Variants in ZNF687 observed in about 807,000 individuals in gnomAD.
ZNF687 encodes zinc finger protein 687.
In ZNF687, 13 loss-of-function variants were observed where a neutral mutation model predicts 71.8. The observed-to-expected ratio is 0.18, with a 90% CI of 0.12 to 0.29. ZNF687 has a LOEUF of 0.29. Ranked by LOEUF, ZNF687 falls within the 10% of genes least tolerant of loss-of-function variation. The probability of loss-of-function intolerance (pLI) is 1.00; values close to 1 mark genes in which losing one functional copy is unlikely to be tolerated. For synonymous variants in ZNF687, 673 were observed against 641.6 expected, an observed-to-expected ratio of 1.05 and a Z score of -0.74; for missense variants, 1,412 against 1,625.6, an observed-to-expected ratio of 0.87 and a Z score of 2.26.
chr1:151,281,594 C>T (rs979600835), upstream of ZNF687: 4 of 471,150 alleles, frequency 8.5e-6, no homozygotes, highest in Non-Finnish European at 1.8e-5. Context: ...CGTCCACGCC[C>T]TCCCGCAGAG....
rs964921879 is a variant in ZNF687 at position 151,290,295 on chromosome 1, G to GT, written c.3077+62dup. On this transcript the variant is annotated intron_variant, in intron 7 of 8. Transcript: ENST00000336715. ...CACGTGACTCTCCCTGTATGCCAAA[G>GT]TACCTGTGCACCTGCGACGTGTCTA... 1.9e-6 allele frequency: 3 copies of GT among 1,608,914 alleles called. No individual in the cohort carries two copies. In the African/African-American group the frequency reaches 4.0e-5, roughly 22 times the overall value.
At position 151,286,676 on chromosome 1, in the gene ZNF687, A is replaced by T. The variant is rs1210336758; in HGVS notation, c.385A>T (p.Ser129Cys). Residue 129 changes from serine (S) to cysteine (C), a missense_variant, in exon 2 of 9, where the codon AGC becomes TGC. Ser to Cys is a moderately radical substitution (Grantham distance 112). Coordinates refer to ENST00000336715, the MANE Select transcript of ZNF687 (RefSeq NM_020832.3). ...TCATCGAATGCAGAATGGTTTTGGG[A>T]GCCCTGAACCTTCCCTCCCAGGAAC... ...GPHRMQNGFG[S>C]PEPSLPGTPH... 6.2e-7 allele frequency: 1 copy of T among 1,614,134 alleles called. No individual in the cohort carries two copies. The highest frequency in any genetic ancestry group is 8.5e-7 in the Non-Finnish European group (1 of 1,179,996).
intron 1 of ZNF687, chr1:151,282,996 C>T (rs1476141234): frequency 8.1e-6 from 4 of 496,422 alleles, no homozygotes; most frequent in Non-Finnish European, 1.0e-5. Context: ...CTCTCCTCCC[C>T]TCTTTCCAGC....
rs936240349 is a variant in ZNF687 at position 151,291,835 on chromosome 1, T to C, written c.*626T>C. 1 of 152,480 alleles carries C rather than the reference T, an allele frequency of 6.6e-6. No individual in the cohort carries two copies. The highest frequency in any genetic ancestry group is 1.5e-5 in the Non-Finnish European group (1 of 68,074). The allele number at this position is 152,480 out of a possible 1,614,324, so 9.4% of individuals were successfully genotyped here. The stretch of plus-strand genomic sequence containing the variant: ...GAATCCTTTATTCTTGTAGTAATAA[T>C]AATACTAACAAACAGTTGGGGAACT... On this transcript the variant is annotated 3_prime_UTR_variant, in exon 9 of 9. Transcript: ENST00000336715.
In ZNF687 at chr1:151,287,014, C is replaced by T; in HGVS notation, c.723C>T (p.Ser241=). The change falls in exon 2 of 9, where the codon TCC becomes TCT. Residue 241 remains serine, a synonymous_variant. Transcript: ENST00000336715. This position sits in a 1 kb window ranked among gnomAD's most constrained non-coding sequence, Gnocchi z 5.0. The stretch of plus-strand genomic sequence containing the variant: ...TCCTAGCCCAACAAGGCTCAGGCTC[C>T]AGCCCTAAGGCCACGGACATCCCTG... ...PQVLAQQGSG[S]SPKATDIPAS... 2 of 1,604,344 alleles carry T rather than the reference C, an allele frequency of 1.2e-6. No homozygotes were observed. The highest frequency in any genetic ancestry group is 2.2e-5 in the East Asian group (1 of 44,688).
rs1219280920 is a variant in ZNF687 at position 151,282,377 on chromosome 1, C to G, written c.-36C>G. On this transcript the variant is annotated 5_prime_UTR_variant, in exon 1 of 9. Coordinates refer to ENST00000336715, the MANE Select transcript of ZNF687 (RefSeq NM_020832.3). ...GGGTAGAGACCGCCGGGTCTCGGCC[C>G]GCACCAGGAGCGGAACAAGTAAGCG... 2.0e-6 allele frequency: 2 copies of G among 990,062 alleles called. No individual in the cohort carries two copies. Among genetic ancestry groups the G allele is most frequent in the Non-Finnish European group, 1.2e-6 (1 of 831,724 alleles). The allele number at this position is 990,062 out of a possible 1,614,324, so 61.3% of individuals were successfully genotyped here.
chr1:151,288,855 C>T, intron 3 of ZNF687, 149 bp downstream of exon 3: 1 of 1,108,162 alleles, frequency 9.0e-7, no homozygotes, highest in Non-Finnish European at 1.3e-6. Context: ...TACGTCCTGC[C>T]TTCCCGTCGT....
At position 151,289,936 on chromosome 1, in the gene ZNF687, T is replaced by C; in HGVS notation, c.2893T>C (p.Cys965Arg). The C allele has an allele frequency of 6.4e-7, 1 of 1,562,520 alleles. No individual in the cohort carries two copies. The change falls in exon 6 of 9, where the codon TGT (cysteine) becomes CGT (arginine). Residue 965 changes from cysteine to arginine, a missense_variant. Physicochemically the swap from Cys to Arg is radical, Grantham distance 180 (BLOSUM62 -3). Around this residue, in one of 8 missense-constraint regions of ZNF687, gnomAD observed 135 missense variants for 104.1 expected, o/e 1.30. Coordinates refer to ENST00000336715, the MANE Select transcript of ZNF687 (RefSeq NM_020832.3). ...GGGGGPGGWTCGLCHSWFPER... is the reference protein window; with the variant it reads ...GGGGGPGGWTRGLCHSWFPER... The stretch of plus-strand genomic sequence containing the variant: ...GGGTGGGGGGCCTGGAGGCTGGACC[T>C]GTGGCCTGTGTCACTCCTGGTTCCC...
Position 151,287,736 on chromosome 1 carries a change from C to T in ZNF687, c.1445C>T (p.Pro482Leu). 1 of 1,613,922 alleles carries T rather than the reference C, an allele frequency of 6.2e-7. No homozygotes were observed. The highest frequency in any genetic ancestry group is 8.5e-7 in the Non-Finnish European group (1 of 1,179,934). Residue 482 changes from proline (P) to leucine (L), a missense_variant, in exon 2 of 9, where the codon CCA (proline) becomes CTA (leucine). Pro to Leu is a moderately conservative substitution (Grantham distance 98, BLOSUM62 -3). Coordinates refer to ENST00000336715, the MANE Select transcript of ZNF687 (RefSeq NM_020832.3). The surrounding 1 kb of genome is among the most constrained non-coding windows in gnomAD (Gnocchi z 5.0). The stretch of plus-strand genomic sequence containing the variant: ...CAACCTTCAAAGACAGCTACTGGGC[C>T]AAGTACAGGGGGCGGCACAGTGATA... ...MVQPSKTATGPSTGGGTVISR... is the reference protein window; with the variant it reads ...MVQPSKTATGLSTGGGTVISR...
rs924354107 is a variant in ZNF687, at chr1:151,291,912, C to T, written c.*703C>T. ...GTTTGTGGTCGAATCTCCATTCAGG[C>T]CTCTCTTTTTCTGTGACTTGGACAA... On this transcript the variant is annotated 3_prime_UTR_variant, in exon 9 of 9. Transcript: ENST00000336715. 6.6e-6 allele frequency: 1 copy of T among 152,294 alleles called. No homozygotes were observed. Among genetic ancestry groups the T allele is most frequent in the African/African-American group, 2.4e-5 (1 of 41,396 alleles). 9.4% of individuals were successfully genotyped at this position (152,294 alleles called of 1,614,324 possible).
Position 151,292,150 on chromosome 1 carries a change from T to A in ZNF687, c.*941T>A, listed in dbSNP as rs1273706111. ...CACAAGTGGCTAACTAAGGACTTTA[T>A]TTCAAACAAAAATTAAAAATAAAAA... is the stretch of plus-strand genomic sequence containing the variant. On this transcript the variant is annotated 3_prime_UTR_variant, in exon 9 of 9. Transcript: ENST00000336715. 1.3e-5 allele frequency: 2 copies of A among 152,346 alleles called. No individual in the cohort carries two copies. Among genetic ancestry groups the A allele is most frequent in the Non-Finnish European group, 2.9e-5 (2 of 68,154 alleles). The allele number at this position is 152,346 out of a possible 1,614,324, so 9.4% of individuals were successfully genotyped here.
At chr1:151,283,174 T>A (rs1693797729) in intron 1 of ZNF687, 1 of 985,172 alleles carries the variant, frequency 1.0e-6, no homozygotes, top group Non-Finnish European at 1.2e-6. Flanking sequence ...CCCCGCCCCC[T>A]CCTCGAAACC....
chr1:151,289,152 G>A lies in ZNF687; in HGVS notation c.2352G>A (p.Gln784=), dbSNP rs1343691845. The change falls in exon 4 of 9, where the codon CAG becomes CAA. Residue 784 remains glutamine (Q), a synonymous_variant. Coordinates refer to ENST00000336715, the MANE Select transcript of ZNF687 (RefSeq NM_020832.3). ...GGVNSIKSHI[Q]TSHCEVFHKC... ...TGAACTCCATCAAGTCCCACATCCA[G>A]ACGTCGCACTGCGAGGTTTTCCACA... 6.2e-7 allele frequency: 1 copy of A among 1,614,118 alleles called. No homozygotes were observed. The highest frequency in any genetic ancestry group is 8.5e-7 in the Non-Finnish European group (1 of 1,180,050).
chr1:151,290,293 A>G, intron 7 of ZNF687, 59 bp downstream of exon 7: 1 of 1,609,450 alleles, frequency 6.2e-7, no homozygotes, highest in Admixed American at 1.7e-5. Context: ...CTGTATGCCA[A>G]AGTACCTGTG....
At chr1:151,281,980 G>C, upstream of ZNF687, 3 of 1,216,832 alleles carry the variant, frequency 2.5e-6, no homozygotes, top group Non-Finnish European at 3.2e-6. Flanking sequence ...GGCAAGCTGG[G>C]AAGCAGGCTG....
chr1:151,290,154 G>A lies in ZNF687; in HGVS notation c.2997G>A (p.Glu999=), dbSNP rs752772790. 8 of 1,613,994 alleles carry A rather than the reference G, an allele frequency of 5.0e-6. No individual in the cohort carries two copies. Among genetic ancestry groups the A allele is most frequent in the Middle Eastern group, 1.6e-4 (1 of 6,062 alleles). ...AAAAGTTCCCCTGTCGCCTGTGTGA[G>A]CGCTCCTTCTGCTCCGCCCCCAGCC... ...SVKKFPCRLC[E]RSFCSAPSLR... is the part of the protein sequence containing the mutation. Residue 999 remains glutamate (E), a synonymous_variant, in exon 7 of 9, where the codon GAG becomes GAA. Coordinates refer to ENST00000336715, the MANE Select transcript of ZNF687 (RefSeq NM_020832.3).
intron 1 of ZNF687, among the ~76,000 whole-genome samples, chr1:151,284,617 G>A (rs1178324601): frequency 6.6e-6 from 1 of 151,798 alleles, no homozygotes; most frequent in East Asian, 1.9e-4. Context: ...TCTTGCCTCC[G>A]ACCCCAGCCC....
chr1:151,289,147 A>C lies in ZNF687; in HGVS notation c.2347A>C (p.Ile783Leu). The change falls in exon 4 of 9, where the codon ATC becomes CTC. Residue 783 changes from isoleucine to leucine, a missense_variant. Physicochemically the swap from Ile to Leu is conservative, Grantham distance 5. Transcript: ENST00000336715. Reference protein sequence around the residue: ...FGGVNSIKSHIQTSHCEVFHK... With the variant: ...FGGVNSIKSHLQTSHCEVFHK... ...GGGTGTGAACTCCATCAAGTCCCAC[A>C]TCCAGACGTCGCACTGCGAGGTTTT... 1 of 1,614,212 alleles carries C rather than the reference A, an allele frequency of 6.2e-7. No homozygotes were observed. The highest frequency in any genetic ancestry group is 8.5e-7 in the Non-Finnish European group (1 of 1,180,040).
At position 151,286,352 on chromosome 1, in the gene ZNF687, A is replaced by G; in HGVS notation, c.61A>G (p.Ile21Val). ...CCTTGCTGCCTTTGACATCCCTGAC[A>G]TTGATGCGAATGAAGCCATCCATTC... is the stretch of plus-strand genomic sequence containing the variant. Reference protein sequence around the residue: ...DLLAAFDIPDIDANEAIHSGP... With the variant: ...DLLAAFDIPDVDANEAIHSGP... The change falls in exon 2 of 9, where the codon ATT (isoleucine) becomes GTT (valine). Residue 21 changes from isoleucine (I) to valine (V), a missense_variant. Around this residue, in one of 8 missense-constraint regions of ZNF687, gnomAD observed 490 missense variants for 489.9 expected, o/e 1.00. Coordinates refer to ENST00000336715, the MANE Select transcript of ZNF687 (RefSeq NM_020832.3). The G allele has an allele frequency of 1.2e-6, 2 of 1,602,322 alleles. No individual in the cohort carries two copies. The highest frequency in any genetic ancestry group is 2.2e-5 in the East Asian group (1 of 44,828).
Sources: allele counts gnomAD v4.1 joint callset (sites outside exome capture counted in the v4.1 genomes callset), GRCh38; gene constraint gnomAD v4.1.1; regional missense constraint gnomAD v4.1.1; non-coding constraint Gnocchi (gnomAD v3.1); transcripts MANE v1.5; gene names NCBI Gene and HGNC (gene_info 2026-07-23, HGNC 2026-07-21).